CELF4: variants seen among roughly 807,000 people sequenced by gnomAD.
CELF4 encodes the protein CUGBP Elav-like family member 4.
In CELF4, 18 loss-of-function variants were observed where a neutral mutation model predicts 59.9. That is an observed-to-expected ratio of 0.30 (90% CI 0.21 to 0.45). CELF4 has a LOEUF of 0.45. Among genes scored for constraint, CELF4 ranks in the 20% least tolerant of loss-of-function variants. The pLI is 1.00. For missense variants in CELF4, 456 were observed against 689.0 expected (o/e 0.66, Z 3.79); for synonymous variants, 261 against 267.1 (o/e 0.98, Z 0.22).
rs537640493 is a variant in CELF4 at position 37,381,116 on chromosome 18, A to G, written c.370-59235T>C. 9.8e-5 allele frequency among the ~76,000 whole-genome samples: 14 copies of G among 143,506 alleles called. No individual in the cohort carries two copies. In the East Asian group the frequency reaches 2.5e-3, roughly 25 times the overall value. 94.1% of individuals were successfully genotyped at this position (143,506 alleles called of 152,430 possible). On this transcript the variant is annotated intron_variant, in intron 2 of 12. Coordinates refer to ENST00000420428, the MANE Select transcript of CELF4 (RefSeq NM_020180.4). ...TACCATCAGCCATCCACCATCATCCATCCATCCATCCATCCATCCATCCAT... is the reference window on the plus strand; with the variant it reads ...TACCATCAGCCATCCACCATCATCCGTCCATCCATCCATCCATCCATCCAT...
At chr18:37,281,752 C>T (rs544277375) in intron 3 of CELF4, among the ~76,000 whole-genome samples, 1 of 152,344 alleles carries the variant, frequency 6.6e-6, no homozygotes, top group Non-Finnish European at 1.5e-5. Flanking sequence ...CATGAATCTG[C>T]TCCTCAGCTG....
chr18:37,359,515 G>A (rs2098665326), intron 2 of CELF4, among the ~76,000 whole-genome samples: 1 of 151,992 alleles, frequency 6.6e-6, no homozygotes, highest in African/African-American at 2.4e-5. Flanking sequence ...TTAATATTTT[G>A]TAGAGACAGG....
At chr18:37,549,603 C>A (rs1171797142) in intron 1 of CELF4, among the ~76,000 whole-genome samples, 1 of 152,078 alleles carries the variant, frequency 6.6e-6, no homozygotes, top group African/African-American at 2.4e-5. Context: ...ATCCCTTTTT[C>A]ATTTTTCTTT....
intron 3 of CELF4, among the ~76,000 whole-genome samples, chr18:37,314,565 C>T (rs189939760): frequency 2.0e-5 from 3 of 152,282 alleles, no homozygotes; most frequent in Admixed American, 2.0e-4. Flanking sequence ...AGCAATTCTG[C>T]AGGACTTGGG....
At chr18:37,496,379 A>G (rs1786813) in intron 1 of CELF4, among the ~76,000 whole-genome samples, 137,172 of 152,230 alleles carry the variant, frequency 0.9, 61,994 homozygotes, top group East Asian at 0.96. Flanking sequence ...CAGGAGGGGA[A>G]GGTGTGTCCA....
intron 1 of CELF4, among the ~76,000 whole-genome samples, chr18:37,525,236 C>A (rs58694345): frequency 0.17 from 26,285 of 152,174 alleles, 2,993 homozygotes; most frequent in African/African-American, 0.32. Context: ...AGGCCCTGCC[C>A]TTTCACACCT....
Position 37,310,937 on chromosome 18 carries a change from C to T in CELF4, c.448+10866G>A, listed in dbSNP as rs564366879. ...CCAGACGGTAGTGACATGGGAGTGG[C>T]GATGGGATGGGACACGAGAAGGCCG... On this transcript the variant is annotated intron_variant, in intron 3 of 12. Transcript: ENST00000420428. Among the ~76,000 whole-genome samples the T allele has an allele frequency of 5.3e-5, 8 of 152,230 alleles. No homozygotes were observed. The East Asian group carries it at 1.4e-3, about 26-fold the overall frequency.
At chr18:37,264,786 C>T (rs1334749880) in intron 9 of CELF4, 29 bp from the exon 10 acceptor site, 29 of 1,529,328 alleles carry the variant, frequency 1.9e-5, no homozygotes, top group Admixed American at 5.8e-5. Flanking sequence ...AAGCAAGAGC[C>T]GGCGACAAGG....
chr18:37,312,919 G>C (rs1382929372), intron 3 of CELF4, among the ~76,000 whole-genome samples: 2 of 152,178 alleles, frequency 1.3e-5, no homozygotes, highest in Non-Finnish European at 2.9e-5. Flanking sequence ...TCTGGAGCAG[G>C]GTCTGGAACA....
chr18:37,258,688 G>A (rs2154296308), intron 11 of CELF4, among the ~76,000 whole-genome samples: 1 of 152,228 alleles, frequency 6.6e-6, no homozygotes, highest in African/African-American at 2.4e-5. Context: ...GCAGGAGAGG[G>A]GCCTGGCTAG....
intron 3 of CELF4, among the ~76,000 whole-genome samples, chr18:37,296,359 C>A (rs906483322): frequency 6.6e-6 from 1 of 152,144 alleles, no homozygotes; most frequent in Non-Finnish European, 1.5e-5. Flanking sequence ...CCATGCCTGC[C>A]TAATTTTTGT....
intron 2 of CELF4, among the ~76,000 whole-genome samples, chr18:37,442,608 A>G (rs542289834): frequency 9.1e-4 from 139 of 152,318 alleles, no homozygotes; most frequent in Non-Finnish European, 1.8e-3. Context: ...TGGGAAGTCC[A>G]CATGGCGACT....
intron 2 of CELF4, among the ~76,000 whole-genome samples, chr18:37,420,376 C>T (rs1350051558): frequency 1.3e-5 from 2 of 152,176 alleles, no homozygotes; most frequent in African/African-American, 4.8e-5. Flanking sequence ...CTCACAGTTC[C>T]GATGAGGAGT....
At chr18:37,321,089 G>C (rs2097100292) in intron 3 of CELF4, among the ~76,000 whole-genome samples, 1 of 152,174 alleles carries the variant, frequency 6.6e-6, no homozygotes, top group Non-Finnish European at 1.5e-5. Flanking sequence ...CTGGGATGGG[G>C]GGGGCAGTAC....
chr18:37,264,630 C>A, intron 10 of CELF4, 44 bp downstream of exon 10: 1 of 1,508,560 alleles, frequency 6.6e-7, no homozygotes, highest in Non-Finnish European at 9.0e-7. Flanking sequence ...TCTTTGGGGA[C>A]AACAGGGGGA....
At chr18:37,456,767 A>G (rs2099779575) in intron 2 of CELF4, among the ~76,000 whole-genome samples, 1 of 152,096 alleles carries the variant, frequency 6.6e-6, no homozygotes, top group African/African-American at 2.4e-5. Context: ...TTCCTGATGC[A>G]CTGTAGCCAT....
At chr18:37,506,430 T>A (rs949067819) in intron 1 of CELF4, among the ~76,000 whole-genome samples, 4 of 152,150 alleles carry the variant, frequency 2.6e-5, no homozygotes, top group African/African-American at 9.7e-5. Context: ...TAACTCTACA[T>A]CTGCCCCTCC....
intron 2 of CELF4, among the ~76,000 whole-genome samples, chr18:37,428,002 T>G (rs1448809959): frequency 6.6e-6 from 1 of 152,248 alleles, no homozygotes; most frequent in African/African-American, 2.4e-5. Context: ...CCGGCATACA[T>G]GCTTGTGTGC....
At chr18:37,324,889 C>A (rs2097251758) in intron 2 of CELF4, among the ~76,000 whole-genome samples, 1 of 152,158 alleles carries the variant, frequency 6.6e-6, no homozygotes, top group African/African-American at 2.4e-5. Context: ...AGCCTGAGGT[C>A]ACAAAGGTTG....
Sources: allele counts gnomAD v4.1 joint callset (sites outside exome capture counted in the v4.1 genomes callset), GRCh38; gene constraint gnomAD v4.1.1; transcripts MANE v1.5; gene names NCBI Gene and HGNC (gene_info 2026-07-23, HGNC 2026-07-21).